Variants in FOXP2 observed in about 807,000 individuals in gnomAD.
The protein encoded by FOXP2 is forkhead box P2, also known as forkhead box protein P2.
A neutral mutation model predicts 115.8 loss-of-function variants in FOXP2; 12 were observed. That is an observed-to-expected ratio of 0.10 (90% CI 0.07 to 0.17). FOXP2 has a LOEUF of 0.17. Among genes scored for constraint, FOXP2 ranks in the 10% least tolerant of loss-of-function variants. The probability of loss-of-function intolerance (pLI) is 1.00; values close to 1 mark genes in which losing one functional copy is unlikely to be tolerated. For synonymous variants in FOXP2, 328 were observed against 297.7 expected (o/e 1.10, Z -1.05); for missense variants, 629 against 843.5 (o/e 0.75, Z 3.15).
In FOXP2 at chr7:114,338,748, TCACACACACACACACA is replaced by T. The variant is rs56411270; in HGVS notation, c.-11+50658_-11+50673del. Among the ~76,000 whole-genome samples, 968 of 146,628 alleles carry T rather than the reference TCACACACACACACACA, an allele frequency of 6.6e-3. 7 individuals are homozygous for T. The highest frequency in any genetic ancestry group is 0.023 in the African/African-American group (935 of 40,190). On this transcript the variant is annotated intron_variant, in intron 2 of 17. Transcript: ENST00000634411. Reference sequence around the variant, plus strand: ...AAAAACTGAGTTCTTGTCAAGATGTTCACACACACACACACACACACACACACACACACATCTACAT... The same window carrying T: ...AAAAACTGAGTTCTTGTCAAGATGTTCACACACACACACACACATCTACAT...
chr7:114,417,090 T>G (rs1488236983), intron 1 of FOXP2, among the ~76,000 whole-genome samples: 1 of 152,012 alleles, frequency 6.6e-6, no homozygotes, highest in African/African-American at 2.4e-5. Context: ...TAACATTTCA[T>G]AGGGATTTGT....
At chr7:114,501,444 C>T (rs1191664686) in intron 2 of FOXP2, among the ~76,000 whole-genome samples, 2 of 152,022 alleles carry the variant, frequency 1.3e-5, no homozygotes, top group African/African-American at 4.8e-5. Flanking sequence ...TGCTATTTGC[C>T]TTGAATAAAT....
chr7:114,631,499 G>C lies in FOXP2; in HGVS notation c.598-29G>C, dbSNP rs527581353. ...GTTTGTACAGACCATGTTCTCTGCTGTTTACTGGTTTGGGTTTTCTGATAC... is the reference window on the plus strand; with the variant it reads ...GTTTGTACAGACCATGTTCTCTGCTCTTTACTGGTTTGGGTTTTCTGATAC... On this transcript the variant is annotated intron_variant, in intron 5 of 16. Coordinates refer to ENST00000350908, the MANE Select transcript of FOXP2 (RefSeq NM_014491.4). 1.2e-5 allele frequency: 19 copies of C among 1,553,132 alleles called. No individual in the cohort carries two copies. The East Asian group carries it at 2.0e-4, about 16-fold the overall frequency.
chr7:114,540,614 A>G (rs746934829), intron 3 of FOXP2, among the ~76,000 whole-genome samples: 2 of 152,204 alleles, frequency 1.3e-5, no homozygotes, highest in East Asian at 1.9e-4. Flanking sequence ...GGAAAAACAG[A>G]AAGAACAATA....
chr7:114,479,541 G>GAA (rs747145273), intron 2 of FOXP2, among the ~76,000 whole-genome samples: 3 of 131,366 alleles, frequency 2.3e-5, no homozygotes, highest in Admixed American at 7.9e-5. Context: ...GATATTTGAG[G>GAA]AAAAAAAAAA....
chr7:114,358,123 G>T (rs1191057073), intron 2 of FOXP2, among the ~76,000 whole-genome samples: 1 of 152,106 alleles, frequency 6.6e-6, no homozygotes, highest in Non-Finnish European at 1.5e-5. Context: ...TTTTTCCCAT[G>T]CTGTTCTCAT....
At chr7:114,261,185 A>T (rs1795740982) in intron 1 of FOXP2, among the ~76,000 whole-genome samples, 1 of 152,198 alleles carries the variant, frequency 6.6e-6, no homozygotes, top group African/African-American at 2.4e-5. Context: ...CTTTGAGCTC[A>T]TCAAATGAAA....
intron 1 of FOXP2, among the ~76,000 whole-genome samples, chr7:114,244,913 C>T (rs1187018515): frequency 2.6e-5 from 4 of 151,958 alleles, no homozygotes; most frequent in South Asian, 4.2e-4. Context: ...AGGCGCCCAC[C>T]ATCACGCCCG....
In FOXP2 at chr7:114,106,584, TG is replaced by T. The variant is rs1791123285; in HGVS notation, c.-247+18747del. Among the ~76,000 whole-genome samples, 3 of 152,122 alleles carry T rather than the reference TG, an allele frequency of 2.0e-5. No individual in the cohort carries two copies. The South Asian group carries it at 6.2e-4, about 32-fold the overall frequency. On this transcript the variant is annotated intron_variant, in intron 1 of 19. Transcript: ENST00000635638. Reference sequence around the variant, plus strand: ...CTTGCCCCCTTTGGTCAGGCAGTTATGTTACAAACAGCTGATCCAGAAACAT... The same window carrying T: ...CTTGCCCCCTTTGGTCAGGCAGTTATTTACAAACAGCTGATCCAGAAACAT...
intron 2 of FOXP2, among the ~76,000 whole-genome samples, chr7:114,385,333 G>C (rs75175310): frequency 0.053 from 8,088 of 152,244 alleles, 681 homozygotes; most frequent in East Asian, 0.32. Flanking sequence ...CAGAGGTCAG[G>C]AGAATTTTGC....
At position 114,378,701 on chromosome 7, in the gene FOXP2, A is replaced by AAAAAAAG. The variant is rs1554380027; in HGVS notation, c.-10-47801_-10-47800insAAAAAAG. Among the ~76,000 whole-genome samples, 32 of 106,796 alleles carry AAAAAAAG rather than the reference A, an allele frequency of 3.0e-4. 2 individuals carry two copies. The highest frequency in any genetic ancestry group is 9.6e-4 in the African/African-American group (27 of 28,198). 70.1% of individuals were successfully genotyped at this position (106,796 alleles called of 152,430 possible). On this transcript the variant is annotated intron_variant, in intron 2 of 17. Transcript: ENST00000634411. ...CCTGTCTCCAAAAAAAAAAAAAAAA[A>AAAAAAAG]GGAAAAGAAAAAGAAAGAAAGTGAA... is the stretch of plus-strand genomic sequence containing the variant.
chr7:114,660,844 G>A (rs1229777746), intron 13 of FOXP2, among the ~76,000 whole-genome samples: 17 of 152,072 alleles, frequency 1.1e-4, no homozygotes, highest in Non-Finnish European at 1.8e-4. Flanking sequence ...AGAAATGAAA[G>A]ATGATTTAAT....
chr7:114,281,222 C>T (rs1796330036), intron 1 of FOXP2, among the ~76,000 whole-genome samples: 1 of 151,192 alleles, frequency 6.6e-6, no homozygotes, highest in African/African-American at 2.4e-5. Flanking sequence ...ATGCCTCAGC[C>T]TCCCAAGTAG....
At chr7:114,430,296 C>A (rs1794047704) in intron 2 of FOXP2, among the ~76,000 whole-genome samples, 1 of 151,640 alleles carries the variant, frequency 6.6e-6, no homozygotes, top group African/African-American at 2.4e-5. Flanking sequence ...TACAAACGCA[C>A]TTTTCAAATG....
intron 2 of FOXP2, among the ~76,000 whole-genome samples, chr7:114,400,045 C>CG (rs919159469): frequency 5.3e-5 from 8 of 151,362 alleles, no homozygotes; most frequent in African/African-American, 1.5e-4. Flanking sequence ...TTAGTAGAGA[C>CG]GGGGGGGTTT....
At position 114,133,093 on chromosome 7, in the gene FOXP2, G is replaced by A. The variant is rs577577803; in HGVS notation, c.-246-29851G>A. On this transcript the variant is annotated intron_variant, in intron 1 of 19. Coordinates refer to the FOXP2 transcript ENST00000635638. ...AAACAAGAGTAGTAATAGTAATGAA[G>A]GTTATGAGAGGTGATCAAATTGTGT... is the stretch of plus-strand genomic sequence containing the variant. Among the ~76,000 whole-genome samples, 37 of 152,296 alleles carry A rather than the reference G, an allele frequency of 2.4e-4. No individual in the cohort carries two copies. The South Asian group carries it at 3.3e-3, about 14-fold the overall frequency.
At chr7:114,096,139 C>G (rs1250392126) in intron 1 of FOXP2, among the ~76,000 whole-genome samples, 1 of 152,170 alleles carries the variant, frequency 6.6e-6, no homozygotes, top group Non-Finnish European at 1.5e-5. Flanking sequence ...AGGCGACTTT[C>G]TTTGTCACCA....
chr7:114,370,808 A>G (rs10953756), intron 2 of FOXP2, among the ~76,000 whole-genome samples: 63,078 of 152,008 alleles, frequency 0.41, 14,174 homozygotes, highest in East Asian at 0.86. Context: ...TGTACTTGTG[A>G]CCAGTAGTAG....
At chr7:114,086,631 C>A, upstream of FOXP2, 1 of 389,614 alleles carries the variant, frequency 2.6e-6, no homozygotes. Flanking sequence ...TTGGCCCTCA[C>A]TCTGGCGCGC....
Sources: gnomAD v4.1 joint callset for allele counts (sites outside exome capture counted in the v4.1 genomes callset) on GRCh38, gnomAD v4.1.1 for gene constraint, MANE v1.5 for transcripts, NCBI Gene and HGNC (gene_info 2026-07-23, HGNC 2026-07-21) for gene names.